NRP2: variants seen among roughly 807,000 people sequenced by gnomAD.
The protein encoded by NRP2 is neuropilin-2.
A neutral mutation model predicts 110.4 loss-of-function variants in NRP2; 52 were observed. The observed-to-expected ratio is 0.47, with a 90% CI of 0.38 to 0.59. The LOEUF is 0.59. Ranked by LOEUF, NRP2 falls within the 20% of genes least tolerant of loss-of-function variation. The pLI, the probability that NRP2 is intolerant of heterozygous loss-of-function variation, is 0.00. For synonymous variants in NRP2, 508 were observed against 468.9 expected (o/e 1.08, Z -1.08); for missense variants, 1,049 against 1,203.0 (o/e 0.87, Z 1.89).
chr2:205,765,659 T>C (rs1272276333), intron 14 of NRP2, 89 bp downstream of exon 14: 1 of 1,130,178 alleles, frequency 8.8e-7, no homozygotes. Context: ...CATTTTCCAA[T>C]GCAGTCGTTA....
intron 15 of NRP2, among the ~76,000 whole-genome samples, chr2:205,768,797 G>C (rs1453858691): frequency 6.6e-6 from 1 of 152,194 alleles, no homozygotes; most frequent in Non-Finnish European, 1.5e-5. Flanking sequence ...CTGGAGGATG[G>C]CAAGCATCTT....
rs925798734 is a variant in NRP2, at chr2:205,682,627, G to A, written c.-664G>A. 7.8e-5 allele frequency: 13 copies of A among 167,498 alleles called. No homozygotes were observed. Among genetic ancestry groups the A allele is most frequent in the Non-Finnish European group, 1.4e-4 (11 of 79,752 alleles). 10.4% of individuals were successfully genotyped at this position (167,498 alleles called of 1,614,324 possible). A position where few individuals can be genotyped will look rare whatever the true frequency, so the allele number is the denominator to read the frequency against. ...CGGAGAGGGGCTCGCTCACTCCCAG[G>A]CGATCCCAGCCGCCACCGCCGCCGC... On this transcript the variant is annotated 5_prime_UTR_variant, in exon 1 of 17. Transcript: ENST00000357785. The surrounding 1 kb of genome is among the most constrained non-coding windows in gnomAD (Gnocchi z 4.3).
chr2:205,791,587 G>A (rs2058302435), intron 15 of NRP2, among the ~76,000 whole-genome samples: 1 of 152,178 alleles, frequency 6.6e-6, no homozygotes, highest in African/African-American at 2.4e-5. Context: ...AATTAACTTA[G>A]CCTGGCTAGT....
In NRP2 at chr2:205,725,825, C is replaced by T. The variant is rs911662333; in HGVS notation, c.821-88C>T. ...TTAAATGAGGAAGTGCCTGCAAGGACTTGTCCCTAGAAGGGAGGCAGCATT... is the reference window on the plus strand; with the variant it reads ...TTAAATGAGGAAGTGCCTGCAAGGATTTGTCCCTAGAAGGGAGGCAGCATT... On this transcript the variant is annotated intron_variant, in intron 5 of 16. Coordinates refer to ENST00000357785, the MANE Select transcript of NRP2 (RefSeq NM_003872.3). The surrounding 1 kb of genome is among the most constrained non-coding windows in gnomAD (Gnocchi z 4.1). 2 of 1,370,286 alleles carry T rather than the reference C, an allele frequency of 1.5e-6. No individual in the cohort carries two copies. Among genetic ancestry groups the T allele is most frequent in the African/African-American group, 2.9e-5 (2 of 70,168 alleles). The allele number at this position is 1,370,286 out of a possible 1,614,324, so 84.9% of individuals were successfully genotyped here. A position where few individuals can be genotyped will look rare whatever the true frequency, so the allele number is the denominator to read the frequency against.
At chr2:205,704,844 C>T (rs1244874529) in intron 2 of NRP2, among the ~76,000 whole-genome samples, 1 of 152,172 alleles carries the variant, frequency 6.6e-6, no homozygotes, top group Non-Finnish European at 1.5e-5. Context: ...GCACCTTCTC[C>T]GAACCCAGAG....
At chr2:205,710,556 C>G (rs961706763) in intron 2 of NRP2, among the ~76,000 whole-genome samples, 4 of 152,220 alleles carry the variant, frequency 2.6e-5, no homozygotes, top group African/African-American at 9.6e-5. Flanking sequence ...TTTAAAAAGT[C>G]TGACCTGACA....
At chr2:205,699,329 A>G (rs1253764394) in intron 2 of NRP2, among the ~76,000 whole-genome samples, 1 of 152,196 alleles carries the variant, frequency 6.6e-6, no homozygotes, top group Non-Finnish European at 1.5e-5. Flanking sequence ...TGGACTGCAG[A>G]AGGTTGGCAC....
intron 3 of NRP2, among the ~76,000 whole-genome samples, chr2:205,717,574 G>A (rs2056925810): frequency 1.3e-5 from 2 of 152,216 alleles, no homozygotes. Context: ...TGCAAGAGTG[G>A]CAGCCCAGGC....
chr2:205,790,626 A>C (rs980833819), intron 15 of NRP2, among the ~76,000 whole-genome samples: 1 of 151,328 alleles, frequency 6.6e-6, no homozygotes, highest in African/African-American at 2.4e-5. Flanking sequence ...TAATTGTTGG[A>C]AATGTGACGG....
At chr2:205,729,012 A>G (rs999221674) in intron 7 of NRP2, among the ~76,000 whole-genome samples, 1 of 152,256 alleles carries the variant, frequency 6.6e-6, no homozygotes, top group Middle Eastern at 3.4e-3. Flanking sequence ...GGTCTGTCAG[A>G]GTGTGAATTA....
rs849541 is a variant in NRP2, at chr2:205,716,309, A to G, written c.368A>G (p.Lys123Arg). Residue 123 changes from lysine (K) to arginine (R), a missense_variant, in exon 3 of 17, where the codon AAG becomes AGG. By Grantham distance (26) the Lys-to-Arg change is conservative. Transcript: ENST00000357785. ...TCCTCGGGCTCCATGCTCTACATCA[A>G]GTTCACCTCCGACTACGCCCGGCAG... Reference protein sequence around the residue: ...IISSGSMLYIKFTSDYARQGA... With the variant: ...IISSGSMLYIRFTSDYARQGA... 6.4e-3 allele frequency: 10,310 copies of G among 1,614,066 alleles called. 608 individuals carry two copies. In the African/African-American group the frequency reaches 0.12, roughly 18 times the overall value.
chr2:205,757,445 A>C (rs1221540611), intron 12 of NRP2, among the ~76,000 whole-genome samples: 1 of 152,140 alleles, frequency 6.6e-6, no homozygotes, highest in Non-Finnish European at 1.5e-5. Context: ...GCACACAAGA[A>C]GATTAAGTGA....
At chr2:205,781,991 C>A (rs998816022) in intron 15 of NRP2, among the ~76,000 whole-genome samples, 2 of 152,110 alleles carry the variant, frequency 1.3e-5, no homozygotes, top group African/African-American at 2.4e-5. Context: ...TTTGCCCTGA[C>A]TGCTTGGAGG....
intron 12 of NRP2, chr2:205,759,641 G>T (rs542984127): frequency 1.3e-5 from 2 of 152,348 alleles, no homozygotes; most frequent in Admixed American, 1.3e-4. Context: ...GAGCAGATAA[G>T]GGGAACCAGT....
chr2:205,722,349 G>C lies in NRP2; in HGVS notation c.434-129G>C, dbSNP rs2057037646. On this transcript the variant is annotated intron_variant, in intron 3 of 16. Transcript: ENST00000357785. ...ATGTGAAGAGTATGTTGCTTCAAGGGCCACTCCAGTAGCAACAAAAACCTC... is the reference window on the plus strand; with the variant it reads ...ATGTGAAGAGTATGTTGCTTCAAGGCCCACTCCAGTAGCAACAAAAACCTC... 6 of 754,026 alleles carry C rather than the reference G, an allele frequency of 8.0e-6. No homozygotes were observed. The East Asian group carries it at 1.6e-4, about 20-fold the overall frequency. 46.7% of individuals were successfully genotyped at this position (754,026 alleles called of 1,614,324 possible).
At chr2:205,765,790 A>G (rs1288401949) in intron 14 of NRP2, 1 of 681,896 alleles carries the variant, frequency 1.5e-6, no homozygotes, top group Non-Finnish European at 2.7e-6. Flanking sequence ...CCTGTTCCCA[A>G]TCAGAAATAG....
At chr2:205,733,265 C>A (rs576806849) in intron 7 of NRP2, among the ~76,000 whole-genome samples, 1 of 152,316 alleles carries the variant, frequency 6.6e-6, no homozygotes, top group South Asian at 2.1e-4. Context: ...GGGTGCTGAA[C>A]TGTCTCCAGT....
At chr2:205,769,383 C>T (rs1244082018) in intron 15 of NRP2, among the ~76,000 whole-genome samples, 3 of 152,080 alleles carry the variant, frequency 2.0e-5, no homozygotes, top group Non-Finnish European at 4.4e-5. Flanking sequence ...ATTAGATGGT[C>T]GCAATCTTTT....
chr2:205,724,706 A>G (rs1053926327), intron 5 of NRP2, among the ~76,000 whole-genome samples: 2 of 115,236 alleles, frequency 1.7e-5, no homozygotes, highest in Non-Finnish European at 3.2e-5. Flanking sequence ...TCTGTTGCCC[A>G]GGCTGGAGTG....
Sources: allele counts gnomAD v4.1 joint callset (sites outside exome capture counted in the v4.1 genomes callset), GRCh38; gene constraint gnomAD v4.1.1; non-coding constraint Gnocchi (gnomAD v3.1); transcripts MANE v1.5; gene names NCBI Gene and HGNC (gene_info 2026-07-23, HGNC 2026-07-21).